LZIC: variants seen among roughly 807,000 people sequenced by gnomAD.
The protein encoded by LZIC is leucine zipper and CTNNBIP1 domain containing, also known as protein LZIC.
A neutral mutation model predicts 25.4 loss-of-function variants in LZIC; 28 were observed. The ratio of observed to expected loss-of-function variants is 1.10; its 90% CI spans 0.82 to 1.51. The LOEUF (loss-of-function observed/expected upper bound fraction) is 1.51. Ranked by LOEUF, LZIC falls within the 40% of genes most tolerant of loss-of-function variation. The probability of loss-of-function intolerance (pLI) is 0.00; values close to 1 mark genes in which losing one functional copy is unlikely to be tolerated. For missense variants in LZIC, 170 were observed against 211.1 expected (o/e 0.81, Z 1.21); for synonymous variants, 65 against 70.7 (o/e 0.92, Z 0.40).
chr1:9,932,074 C>CT, intron 6 of LZIC, 102 bp from the exon 7 acceptor site: 1 of 645,522 alleles, frequency 1.5e-6, no homozygotes, highest in Non-Finnish European at 2.5e-6. Flanking sequence ...GTGGCTCACG[C>CT]CTGTAATCCC....
downstream of LZIC, among the ~76,000 whole-genome samples, chr1:9,923,518 C>CTTTTTTTTTTTTTTTT (rs60858066): frequency 4.7e-4 from 35 of 74,162 alleles, 1 homozygote; most frequent in Non-Finnish European, 7.4e-4. Context: ...CCCAATGCTT[C>CTTTTTTTTTTTTTTTT]TTTTTTTTTT....
chr1:9,937,847 C>CAAAAAAAAAAAAAAAAAAAAAAA (rs34452687), intron 2 of LZIC, among the ~76,000 whole-genome samples: 1 of 52,732 alleles, frequency 1.9e-5, no homozygotes, highest in African/African-American at 9.0e-5. Flanking sequence ...GACCCTGACT[C>CAAAAAAAAAAAAAAAAAAAAAAA]AAAAAAAAAA....
At chr1:9,931,768 TCTGGTTTCACTCTTAA>T in intron 7 of LZIC, 107 bp downstream of exon 7, 1 of 554,408 alleles carries the variant, frequency 1.8e-6, no homozygotes, top group Non-Finnish European at 3.2e-6. Context: ...AGAAAACAAT[TCTGGTTTCACTCTTAA>T]ACTCAAGGAA....
chr1:9,942,576 C>T (rs1371643060), intron 2 of LZIC, 48 bp downstream of exon 2: 2 of 983,248 alleles, frequency 2.0e-6, no homozygotes, highest in Non-Finnish European at 2.7e-6. Context: ...CTACAGAAAC[C>T]GCTCTCAGAC....
chr1:9,925,369 A>G (rs1639956926), downstream of LZIC, among the ~76,000 whole-genome samples: 1 of 152,130 alleles, frequency 6.6e-6, no homozygotes. Flanking sequence ...TTCACTCTAA[A>G]AAACAAACAC....
In LZIC at chr1:9,927,772, C is replaced by A. The variant is rs956180582; in HGVS notation, c.*2627G>T. Among the ~76,000 whole-genome samples the A allele has an allele frequency of 4.0e-5, 6 of 149,360 alleles. No homozygotes were observed. Among genetic ancestry groups the A allele is most frequent in the African/African-American group, 1.5e-4 (6 of 40,446 alleles). On this transcript the variant is annotated 3_prime_UTR_variant, in exon 8 of 8. Transcript: ENST00000377223. ...CATCTCGGCTCACCGAAACCTCTGC[C>A]TCCCAGGTTCAAGTGATTCTCCTGC...
chr1:9,922,870 T>A (rs1433884715), downstream of LZIC, among the ~76,000 whole-genome samples: 1 of 152,164 alleles, frequency 6.6e-6, no homozygotes, highest in Non-Finnish European at 1.5e-5. Flanking sequence ...CTGAAAAGGA[T>A]AAAGGAACTA....
intron 3 of LZIC, among the ~76,000 whole-genome samples, chr1:9,936,236 A>G (rs1020306508): frequency 5.9e-5 from 9 of 152,170 alleles, no homozygotes; most frequent in African/African-American, 2.2e-4. Context: ...GACAGCAGGT[A>G]GGACTGATTT....
intron 6 of LZIC, chr1:9,932,236 T>G: frequency 3.2e-6 from 1 of 314,528 alleles, no homozygotes; most frequent in Non-Finnish European, 6.0e-6. Flanking sequence ...TCCCAGCTAC[T>G]CAGGAGGATG....
At chr1:9,939,459 C>T (rs1359351630) in intron 2 of LZIC, among the ~76,000 whole-genome samples, 2 of 149,580 alleles carry the variant, frequency 1.3e-5, no homozygotes, top group Non-Finnish European at 3.0e-5. Flanking sequence ...CAGCTCACTG[C>T]AACCTCCACA....
At chr1:9,942,060 G>A (rs1640773574) in intron 2 of LZIC, among the ~76,000 whole-genome samples, 1 of 152,112 alleles carries the variant, frequency 6.6e-6, no homozygotes, top group Non-Finnish European at 1.5e-5. Flanking sequence ...GGGACTACAG[G>A]CATGCGTCAC....
rs997217833 is a variant in LZIC, at chr1:9,935,736, G to A, written c.102-109C>T. ...GACTGAAGGGAAATATCAAAATGCT[G>A]ATGGTGAATGTGTTCACATAGTAGT... On this transcript the variant is annotated intron_variant, in intron 3 of 7. Transcript: ENST00000377223. 1.9e-5 allele frequency: 19 copies of A among 1,000,008 alleles called. 1 individual carries two copies. In the South Asian group the frequency reaches 3.0e-4, roughly 16 times the overall value. 61.9% of individuals were successfully genotyped at this position (1,000,008 alleles called of 1,614,324 possible).
intron 3 of LZIC, among the ~76,000 whole-genome samples, chr1:9,936,241 T>C (rs768208586): frequency 1.3e-5 from 2 of 152,170 alleles, no homozygotes; most frequent in Non-Finnish European, 2.9e-5. Flanking sequence ...CAGGTAGGAC[T>C]GATTTAAATA....
Position 9,936,573 on chromosome 1 carries a change from A to G in LZIC, c.47T>C (p.Leu16Ser). The change falls in exon 3 of 8, where the codon TTA (leucine) becomes TCA (serine). Residue 16 changes from leucine (L) to serine (S), a missense_variant. By Grantham distance (145) the Leu-to-Ser change is moderately radical. Coordinates refer to ENST00000377223, the MANE Select transcript of LZIC (RefSeq NM_032368.5). Reference protein sequence around the residue: ...KTETSKLKQNLEEQLDRLMQQ... With the variant: ...KTETSKLKQNSEEQLDRLMQQ... ...CATGAGTCTATCCAACTGTTCTTCT[A>G]AATTCTGCTTTAATTTGCTTGTCTC... The G allele has an allele frequency of 6.2e-7, 1 of 1,613,806 alleles. No individual in the cohort carries two copies. Among genetic ancestry groups the G allele is most frequent in the South Asian group, 1.1e-5 (1 of 91,076 alleles).
chr1:9,928,977 A>T lies in LZIC; in HGVS notation c.*1422T>A, dbSNP rs1248836814. 2 of 152,250 alleles carry T rather than the reference A, an allele frequency of 1.3e-5. No homozygotes were observed. Among genetic ancestry groups the T allele is most frequent in the African/African-American group, 4.8e-5 (2 of 41,466 alleles). 9.4% of individuals were successfully genotyped at this position (152,250 alleles called of 1,614,324 possible). A position where few individuals can be genotyped will look rare whatever the true frequency, so the allele number is the denominator to read the frequency against. Reference sequence around the variant, plus strand: ...TTTATATGAAATATCCAGAATAGGTAAATCCACAGAGACAGGGTGCAGATT... The same window carrying T: ...TTTATATGAAATATCCAGAATAGGTTAATCCACAGAGACAGGGTGCAGATT... On this transcript the variant is annotated 3_prime_UTR_variant, in exon 8 of 8. Coordinates refer to ENST00000377223, the MANE Select transcript of LZIC (RefSeq NM_032368.5).
intron 5 of LZIC, among the ~76,000 whole-genome samples, chr1:9,933,208 T>A (rs940757530): frequency 1.6e-5 from 2 of 122,644 alleles, no homozygotes; most frequent in Non-Finnish European, 3.1e-5. Context: ...TGAGCCGAGA[T>A]AGCGCCACTG....
intron 2 of LZIC, among the ~76,000 whole-genome samples, chr1:9,939,722 A>C (rs920177680): frequency 1.3e-5 from 2 of 152,012 alleles, no homozygotes; most frequent in African/African-American, 2.4e-5. Flanking sequence ...ACTGATAATG[A>C]CTTGCCTTTA....
At chr1:9,925,771 G>GTA (rs1021236687), downstream of LZIC, among the ~76,000 whole-genome samples, 4 of 150,204 alleles carry the variant, frequency 2.7e-5, no homozygotes, top group African/African-American at 9.8e-5. Flanking sequence ...TGTATCTTTA[G>GTA]TAGAGACAGG....
downstream of LZIC, chr1:9,922,308 T>G: frequency 1.0e-6 from 1 of 985,332 alleles, no homozygotes; most frequent in Non-Finnish European, 1.2e-6. Context: ...ACATCAATAT[T>G]TTTGCTGGGG....
Sources: allele counts gnomAD v4.1 joint callset (sites outside exome capture counted in the v4.1 genomes callset), GRCh38; gene constraint gnomAD v4.1.1; transcripts MANE v1.5; gene names NCBI Gene and HGNC (gene_info 2026-07-23, HGNC 2026-07-21).